The following NT5DC1 variants were observed in gnomAD, a reference collection of about 807,000 sequenced individuals.
NT5DC1 encodes 5'-nucleotidase domain containing 1.
Under a neutral mutation model 59.4 loss-of-function variants are expected in NT5DC1, and 42 were observed. That is an observed-to-expected ratio of 0.71 (90% CI 0.55 to 0.92). The LOEUF is 0.92. Among genes scored for constraint, NT5DC1 ranks in the 40% least tolerant of loss-of-function variants. The pLI is 0.00. For missense variants in NT5DC1, 501 were observed against 537.1 expected, an observed-to-expected ratio of 0.93 and a Z score of 0.66; for synonymous variants, 172 against 188.1, an observed-to-expected ratio of 0.91 and a Z score of 0.70.
chr6:116,229,720 G>A (rs1167620018), intron 8 of NT5DC1, among the ~76,000 whole-genome samples: 1 of 152,126 alleles, frequency 6.6e-6, no homozygotes, highest in Non-Finnish European at 1.5e-5. Flanking sequence ...CCGCAGTGTC[G>A]CCAATGCTGC....
Position 116,186,518 on chromosome 6 carries a change from C to G in NT5DC1, c.530-34536C>G, listed in dbSNP as rs372318665. ...TTCTTCCTCAGGAACACCAGTTGTT[C>G]TTAGGTTTGGTCATTTAACATAATC... On this transcript the variant is annotated intron_variant, in intron 6 of 11. Transcript: ENST00000319550. Among the ~76,000 whole-genome samples, 99 of 151,984 alleles carry G rather than the reference C, an allele frequency of 6.5e-4. 2 individuals are homozygous for G. The South Asian group carries it at 0.02, about 30-fold the overall frequency.
At chr6:116,154,277 T>A (rs1457839542) in intron 6 of NT5DC1, among the ~76,000 whole-genome samples, 1 of 152,194 alleles carries the variant, frequency 6.6e-6, no homozygotes, top group Non-Finnish European at 1.5e-5. Context: ...AACATCAACA[T>A]AGCTGGAGTA....
chr6:116,210,030 A>G (rs1781544004), intron 6 of NT5DC1, among the ~76,000 whole-genome samples: 1 of 151,996 alleles, frequency 6.6e-6, no homozygotes, highest in African/African-American at 2.4e-5. Context: ...AATTTTGAGC[A>G]AAATATGTGG....
intron 1 of NT5DC1, among the ~76,000 whole-genome samples, chr6:116,105,936 T>C (rs1037110408): frequency 7.2e-5 from 11 of 152,220 alleles, no homozygotes; most frequent in Admixed American, 1.3e-4. Context: ...TAAATAAGTT[T>C]AAAAAGCTTT....
At chr6:116,236,107 A>C (rs993672559) in intron 8 of NT5DC1, among the ~76,000 whole-genome samples, 10 of 152,204 alleles carry the variant, frequency 6.6e-5, no homozygotes, top group African/African-American at 2.4e-4. Flanking sequence ...AGGACCAAAA[A>C]AGTGGGGGGA....
At chr6:116,191,330 T>C (rs1037912255) in intron 6 of NT5DC1, among the ~76,000 whole-genome samples, 4 of 151,970 alleles carry the variant, frequency 2.6e-5, no homozygotes, top group Non-Finnish European at 5.9e-5. Flanking sequence ...ATGTTAACCA[T>C]AGTAAACAAA....
chr6:116,234,401 C>T (rs1279892768), intron 8 of NT5DC1, among the ~76,000 whole-genome samples: 1 of 152,064 alleles, frequency 6.6e-6, no homozygotes, highest in Non-Finnish European at 1.5e-5. Flanking sequence ...AGTGTGGTGA[C>T]ATGATCTCGG....
intron 8 of NT5DC1, among the ~76,000 whole-genome samples, chr6:116,236,007 C>A (rs2114559163): frequency 6.6e-6 from 1 of 152,182 alleles, no homozygotes; most frequent in South Asian, 2.1e-4. Context: ...TAAAGAGGAC[C>A]CTTCTAATTA....
At chr6:116,225,380 A>G (rs72953957) in intron 8 of NT5DC1, among the ~76,000 whole-genome samples, 30,446 of 152,252 alleles carry the variant, frequency 0.2, 3,879 homozygotes, top group Middle Eastern at 0.34. Flanking sequence ...GAGAGAATGT[A>G]GATAGGCAAA....
At chr6:116,231,953 A>C (rs1388243776) in intron 8 of NT5DC1, among the ~76,000 whole-genome samples, 1 of 152,234 alleles carries the variant, frequency 6.6e-6, no homozygotes, top group Non-Finnish European at 1.5e-5. Context: ...CCGTAACAAA[A>C]TACCACAAAC....
At chr6:116,238,446 G>T (rs2114562241) in intron 10 of NT5DC1, 98 bp downstream of exon 10, 2 of 558,626 alleles carry the variant, frequency 3.6e-6, no homozygotes, top group Non-Finnish European at 5.3e-6. Flanking sequence ...GTCCTGGTCA[G>T]GCTGAATACC....
chr6:116,105,002 A>T (rs478187), intron 1 of NT5DC1, among the ~76,000 whole-genome samples: 12,096 of 152,230 alleles, frequency 0.079, 724 homozygotes, highest in African/African-American at 0.16. Context: ...ACCAGGGTTA[A>T]GAACTGTTGA....
intron 6 of NT5DC1, among the ~76,000 whole-genome samples, chr6:116,171,305 G>T (rs1780601600): frequency 6.6e-6 from 1 of 152,050 alleles, no homozygotes; most frequent in Non-Finnish European, 1.5e-5. Context: ...TAAATATGTG[G>T]TTTTTGCTTT....
intron 6 of NT5DC1, among the ~76,000 whole-genome samples, chr6:116,151,750 A>G (rs1780045754): frequency 6.6e-6 from 1 of 152,212 alleles, no homozygotes; most frequent in Admixed American, 6.5e-5. Flanking sequence ...TTCTATAATA[A>G]ATACCAGCTT....
At chr6:116,216,976 T>C (rs559448463) in intron 6 of NT5DC1, among the ~76,000 whole-genome samples, 31 of 152,166 alleles carry the variant, frequency 2.0e-4, no homozygotes, top group Non-Finnish European at 3.7e-4. Flanking sequence ...CAGACCTTAT[T>C]TGGAGGCTGA....
chr6:116,199,967 G>A (rs1257531936), intron 6 of NT5DC1, among the ~76,000 whole-genome samples: 1 of 144,972 alleles, frequency 6.9e-6, no homozygotes, highest in East Asian at 2.0e-4. Flanking sequence ...CCTGTGCATT[G>A]TACTTCCTTA....
In NT5DC1 at chr6:116,117,844, T is replaced by G. The variant is rs1778997919; in HGVS notation, c.445-17T>G. 2.1e-6 allele frequency: 3 copies of G among 1,417,016 alleles called. No homozygotes were observed. The highest frequency in any genetic ancestry group is 3.0e-6 in the Non-Finnish European group (3 of 1,008,636). 87.8% of individuals were successfully genotyped at this position (1,417,016 alleles called of 1,614,324 possible). ...ACTGAATTATTGTGTTTGTTTCATT[T>G]GGAATTATTTTTTCAGCTGAACAAT... On this transcript the variant is annotated splice_polypyrimidine_tract_variant and intron_variant, in intron 5 of 11. Transcript: ENST00000319550.
At chr6:116,201,352 ATTG>A (rs1404673521) in intron 6 of NT5DC1, among the ~76,000 whole-genome samples, 2 of 151,986 alleles carry the variant, frequency 1.3e-5, no homozygotes, top group Non-Finnish European at 2.9e-5. Flanking sequence ...TTCTGGGCAT[ATTG>A]CACTGTATAA....
At chr6:116,103,448 A>G (rs1370526472) in intron 1 of NT5DC1, among the ~76,000 whole-genome samples, 2 of 151,658 alleles carry the variant, frequency 1.3e-5, no homozygotes, top group Non-Finnish European at 2.9e-5. Context: ...GCTTCTTCCC[A>G]CCTTGCTGTC....
Sources: gnomAD v4.1 joint callset for allele counts (sites outside exome capture counted in the v4.1 genomes callset) on GRCh38, gnomAD v4.1.1 for gene constraint, MANE v1.5 for transcripts, NCBI Gene and HGNC (gene_info 2026-07-23, HGNC 2026-07-21) for gene names.